Variants in CNTNAP2 observed in about 807,000 individuals in gnomAD.
The protein encoded by CNTNAP2 is contactin-associated protein-like 2.
A neutral mutation model predicts 155.2 loss-of-function variants in CNTNAP2; 98 were observed. The ratio of observed to expected loss-of-function variants is 0.63; its 90% CI spans 0.54 to 0.75. The LOEUF (loss-of-function observed/expected upper bound fraction) is 0.75, where lower values mean the gene tolerates loss of function less well. CNTNAP2 is among the 30% of genes least tolerant of loss of function. The pLI is 0.00. For synonymous variants in CNTNAP2, 651 were observed against 631.2 expected (o/e 1.03, Z -0.47); for missense variants, 1,727 against 1,688.1 (o/e 1.02, Z -0.40).
intron 8 of CNTNAP2, among the ~76,000 whole-genome samples, chr7:147,257,081 T>A (rs1210570630): frequency 1.3e-5 from 2 of 152,186 alleles, no homozygotes; most frequent in Non-Finnish European, 2.9e-5. Flanking sequence ...CGCTTGGGCA[T>A]CAAGAGAATG....
At chr7:148,263,268 C>T (rs1796594679) in intron 20 of CNTNAP2, 1 of 152,126 alleles carries the variant, frequency 6.6e-6, no homozygotes, top group Admixed American at 6.5e-5. Context: ...CAGCATGACC[C>T]ATTTAGGTTC....
At chr7:147,790,447 A>G (rs1228401310) in intron 13 of CNTNAP2, among the ~76,000 whole-genome samples, 1 of 152,140 alleles carries the variant, frequency 6.6e-6, no homozygotes, top group African/African-American at 2.4e-5. Flanking sequence ...CTATAATTTG[A>G]TTTTTAACCT....
intron 1 of CNTNAP2, among the ~76,000 whole-genome samples, chr7:146,534,323 A>G (rs2129139720): frequency 6.6e-6 from 1 of 152,250 alleles, no homozygotes; most frequent in African/African-American, 2.4e-5. Context: ...AGTGCCAAAG[A>G]CAGCAACAGA....
Position 146,352,907 on chromosome 7 carries a change from AC to A in CNTNAP2, c.97+235936del, listed in dbSNP as rs544447644. On this transcript the variant is annotated intron_variant, in intron 1 of 23. Coordinates refer to ENST00000361727, the MANE Select transcript of CNTNAP2 (RefSeq NM_014141.6). Reference sequence around the variant, plus strand: ...GTCGCTAGGACTACAGGCACCCGCCACCACGCCCGGCTAATTTTTTGTATTT... The same window carrying A: ...GTCGCTAGGACTACAGGCACCCGCCACACGCCCGGCTAATTTTTTGTATTT... 2.5e-3 allele frequency among the ~76,000 whole-genome samples: 383 copies of A among 151,334 alleles called. 1 individual carries two copies. Among genetic ancestry groups the A allele is most frequent in the African/African-American group, 9.0e-3 (369 of 41,038 alleles).
At chr7:146,839,499 T>C (rs1436908873) in intron 2 of CNTNAP2, among the ~76,000 whole-genome samples, 1 of 152,112 alleles carries the variant, frequency 6.6e-6, no homozygotes, top group Non-Finnish European at 1.5e-5. Flanking sequence ...AATGAGCACA[T>C]AATTACACCA....
At chr7:146,895,926 G>A (rs1795868963) in intron 3 of CNTNAP2, among the ~76,000 whole-genome samples, 1 of 151,950 alleles carries the variant, frequency 6.6e-6, no homozygotes, top group Non-Finnish European at 1.5e-5. Flanking sequence ...TTTCTGTGGA[G>A]GATTATTATA....
rs1467243115 is a variant in CNTNAP2 at position 147,702,892 on chromosome 7, GTAGT to G, written c.2098+63591_2098+63594del. On this transcript the variant is annotated intron_variant, in intron 13 of 23. Transcript: ENST00000361727. ...TTTTGTACTGGGCTTTGCAAATTAG[GTAGT>G]TAGTCCTGCTTGTAGCAATGAAACT... Among the ~76,000 whole-genome samples the G allele has an allele frequency of 1.1e-4, 17 of 152,066 alleles. 1 individual carries two copies. In the South Asian group the frequency reaches 1.9e-3, roughly 17 times the overall value.
intron 3 of CNTNAP2, among the ~76,000 whole-genome samples, chr7:147,014,851 A>G (rs1463203547): frequency 6.6e-6 from 1 of 152,212 alleles, no homozygotes; most frequent in Non-Finnish European, 1.5e-5. Context: ...CTTTGTCTGC[A>G]GCATTAAGAA....
At chr7:147,269,262 G>A (rs1361165848) in intron 8 of CNTNAP2, among the ~76,000 whole-genome samples, 2 of 151,854 alleles carry the variant, frequency 1.3e-5, no homozygotes, top group African/African-American at 4.8e-5. Context: ...ATGTATCTAG[G>A]GTAACTTTTA....
intron 4 of CNTNAP2, among the ~76,000 whole-genome samples, chr7:147,058,586 CTTTTTTGTTCGTTTGTT>C (rs1343765066): frequency 6.6e-6 from 1 of 151,800 alleles, no homozygotes; most frequent in Non-Finnish European, 1.5e-5. Flanking sequence ...TCAAAGGGTT[CTTTTTTGTTCGTTTGTT>C]TTGTTTTTGT....
chr7:147,849,086 T>A (rs779777009), intron 13 of CNTNAP2, among the ~76,000 whole-genome samples: 2 of 152,214 alleles, frequency 1.3e-5, no homozygotes, highest in African/African-American at 2.4e-5. Flanking sequence ...ATTGATTTAA[T>A]ACATCATTGA....
At chr7:148,216,700 A>G (rs1032114027) in intron 18 of CNTNAP2, among the ~76,000 whole-genome samples, 17 of 152,114 alleles carry the variant, frequency 1.1e-4, no homozygotes, top group African/African-American at 2.7e-4. Flanking sequence ...AAATTTTACT[A>G]TTTTTTTAAT....
chr7:147,427,944 A>C (rs1159447111), intron 10 of CNTNAP2, among the ~76,000 whole-genome samples: 3 of 152,204 alleles, frequency 2.0e-5, no homozygotes, highest in Non-Finnish European at 2.9e-5. Flanking sequence ...GAAAGGGTAT[A>C]AGGCAAGGAA....
intron 13 of CNTNAP2, among the ~76,000 whole-genome samples, chr7:147,723,009 A>G (rs890535661): frequency 1.2e-4 from 18 of 151,974 alleles, no homozygotes; most frequent in Non-Finnish European, 2.4e-4. Context: ...CTCTAGAGAG[A>G]CCTTCAAGAT....
At chr7:147,504,936 ACATGCACACACACACG>A (rs1268548593) in intron 11 of CNTNAP2, among the ~76,000 whole-genome samples, 3 of 151,958 alleles carry the variant, frequency 2.0e-5, no homozygotes, top group Admixed American at 1.3e-4. Flanking sequence ...ATGCACACAC[ACATGCACACACACACG>A]CATGCACACA....
chr7:147,088,015 A>G (rs1353079187), intron 4 of CNTNAP2, among the ~76,000 whole-genome samples: 1 of 152,120 alleles, frequency 6.6e-6, no homozygotes, highest in Non-Finnish European at 1.5e-5. Flanking sequence ...TCAAGCAGAC[A>G]TGGTCATCTT....
At chr7:148,360,361 C>A (rs905472224) in intron 21 of CNTNAP2, among the ~76,000 whole-genome samples, 1 of 152,154 alleles carries the variant, frequency 6.6e-6, no homozygotes, top group Admixed American at 6.5e-5. Flanking sequence ...GAAAAGAGAA[C>A]AGGTGTGAAG....
chr7:147,986,301 T>C (rs1201305681), intron 15 of CNTNAP2, among the ~76,000 whole-genome samples: 1 of 152,200 alleles, frequency 6.6e-6, no homozygotes, highest in African/African-American at 2.4e-5. Context: ...GATGGGCTCA[T>C]ACATGATTTT....
chr7:148,383,936 T>A (rs1335067335), intron 22 of CNTNAP2, 48 bp downstream of exon 22: 19 of 1,582,390 alleles, frequency 1.2e-5, no homozygotes, highest in Non-Finnish European at 1.5e-5. Flanking sequence ...TCTTTAAACC[T>A]CAGTCTCTTG....
Sources: gnomAD v4.1 joint callset for allele counts (sites outside exome capture counted in the v4.1 genomes callset) on GRCh38, gnomAD v4.1.1 for gene constraint, MANE v1.5 for transcripts, NCBI Gene and HGNC (gene_info 2026-07-23, HGNC 2026-07-21) for gene names.